RALYL: variants seen among roughly 807,000 people sequenced by gnomAD.
RALYL encodes the protein RALY RNA binding protein like, also known as RNA-binding Raly-like protein.
RALYL carries 29 observed loss-of-function variants against 35.1 expected under a neutral mutation model. That is an observed-to-expected ratio of 0.83 (90% CI 0.61 to 1.13). The LOEUF (loss-of-function observed/expected upper bound fraction) is 1.13, where lower values mean the gene tolerates loss of function less well. Ranked by LOEUF, RALYL falls within the 50% of genes most tolerant of loss-of-function variation. RALYL has a pLI of 0.00. For synonymous variants in RALYL, 120 were observed against 127.6 expected (o/e 0.94, Z 0.40); for missense variants, 359 against 360.4 (o/e 1.00, Z 0.03).
chr8:84,412,671 A>C (rs1350656934), intron 1 of RALYL, among the ~76,000 whole-genome samples: 1 of 151,942 alleles, frequency 6.6e-6, no homozygotes. Flanking sequence ...CTAATCTGCA[A>C]TCTCTCTCAA....
chr8:84,653,157 A>G (rs1226131275), intron 2 of RALYL, among the ~76,000 whole-genome samples: 1 of 152,084 alleles, frequency 6.6e-6, no homozygotes, highest in Admixed American at 6.6e-5. Context: ...CTTTCTTTAG[A>G]AAGAATTTGT....
At chr8:84,664,649 G>C (rs951139413) in intron 2 of RALYL, among the ~76,000 whole-genome samples, 2 of 151,818 alleles carry the variant, frequency 1.3e-5, no homozygotes, top group African/African-American at 4.8e-5. Flanking sequence ...GGTGTATCTG[G>C]ATGCTAGTGA....
chr8:84,821,855 G>GCTAA (rs1004024689), intron 4 of RALYL, among the ~76,000 whole-genome samples: 1 of 152,102 alleles, frequency 6.6e-6, no homozygotes, highest in African/African-American at 2.4e-5. Flanking sequence ...ATTTTGGCAT[G>GCTAA]CTAACTAAGG....
At chr8:84,185,217 G>T in intron 1 of RALYL, 1 of 635,024 alleles carries the variant, frequency 1.6e-6, no homozygotes, top group Non-Finnish European at 2.8e-6. Flanking sequence ...TTGCAGTAAT[G>T]ACCCTACACC....
At chr8:84,820,702 T>C (rs1369916689) in intron 4 of RALYL, among the ~76,000 whole-genome samples, 1 of 152,086 alleles carries the variant, frequency 6.6e-6, no homozygotes, top group Non-Finnish European at 1.5e-5. Context: ...CTCCCTCCCC[T>C]TTCCCCTTGC....
intron 5 of RALYL, among the ~76,000 whole-genome samples, chr8:84,851,362 G>A (rs755095223): frequency 5.3e-5 from 8 of 152,060 alleles, no homozygotes; most frequent in South Asian, 2.1e-4. Context: ...ATTACTTACC[G>A]TTTATATGTT....
intron 1 of RALYL, among the ~76,000 whole-genome samples, chr8:84,310,354 A>G (rs955953678): frequency 6.6e-6 from 1 of 151,176 alleles, no homozygotes; most frequent in Non-Finnish European, 1.5e-5. Flanking sequence ...GTTTTTTTAA[A>G]GAAAAAAAAA....
At chr8:84,710,690 T>C (rs907422034) in intron 2 of RALYL, among the ~76,000 whole-genome samples, 1 of 152,168 alleles carries the variant, frequency 6.6e-6, no homozygotes, top group Non-Finnish European at 1.5e-5. Flanking sequence ...ATCTCTAAGT[T>C]TCTTTCATAT....
intron 2 of RALYL, among the ~76,000 whole-genome samples, chr8:84,543,783 C>A (rs1166934312): frequency 1.3e-5 from 2 of 151,908 alleles, no homozygotes. Context: ...AATTTCCTGC[C>A]CCATGTTGGG....
intron 1 of RALYL, among the ~76,000 whole-genome samples, chr8:84,508,182 G>A (rs915568298): frequency 6.6e-6 from 1 of 151,982 alleles, no homozygotes; most frequent in Non-Finnish European, 1.5e-5. Context: ...AGCATGTGTT[G>A]TTCAAGTTCA....
chr8:84,900,516 A>C (rs7830369), intron 8 of RALYL, among the ~76,000 whole-genome samples: 6,254 of 152,120 alleles, frequency 0.041, 443 homozygotes, highest in African/African-American at 0.14. Context: ...GTCTCTATGA[A>C]AAATAGAAAA....
intron 1 of RALYL, among the ~76,000 whole-genome samples, chr8:84,365,269 A>G (rs1480887421): frequency 6.6e-6 from 1 of 152,168 alleles, no homozygotes; most frequent in Non-Finnish European, 1.5e-5. Context: ...CTTCTCTTAC[A>G]TATTGAAGAC....
intron 2 of RALYL, among the ~76,000 whole-genome samples, chr8:84,553,113 A>C (rs972904470): frequency 6.6e-6 from 1 of 152,130 alleles, no homozygotes; most frequent in African/African-American, 2.4e-5. Context: ...AACAAATCTT[A>C]ATCTTAAATA....
At chr8:84,849,958 A>AT (rs759388122) in intron 4 of RALYL, 22 bp from the exon 5 acceptor site, 18 of 1,393,562 alleles carry the variant, frequency 1.3e-5, no homozygotes, top group Middle Eastern at 3.6e-4. Context: ...ATGCCAACTA[A>AT]TTTTTTTGTT....
chr8:84,430,683 CA>C (rs1275182004), intron 1 of RALYL, among the ~76,000 whole-genome samples: 4 of 151,980 alleles, frequency 2.6e-5, no homozygotes, highest in African/African-American at 9.7e-5. Context: ...TTATGAATGA[CA>C]ATTTTGAATT....
chr8:84,841,970 G>A (rs1431401791), intron 4 of RALYL, among the ~76,000 whole-genome samples: 1 of 152,220 alleles, frequency 6.6e-6, no homozygotes, highest in African/African-American at 2.4e-5. Flanking sequence ...TCAAAGCAGT[G>A]TGTAGAGGGA....
intron 1 of RALYL, among the ~76,000 whole-genome samples, chr8:84,359,040 G>A (rs1315662607): frequency 9.2e-5 from 14 of 151,796 alleles, no homozygotes; most frequent in Non-Finnish European, 1.8e-4. Context: ...TATGAACCTG[G>A]TAATGACAAA....
chr8:84,655,483 C>T (rs1430471234), intron 2 of RALYL, among the ~76,000 whole-genome samples: 11 of 152,030 alleles, frequency 7.2e-5, no homozygotes, highest in Admixed American at 4.6e-4. Context: ...TGCACATCAC[C>T]ATGCGCAGCT....
chr8:84,549,690 C>A (rs1351418305), intron 2 of RALYL, among the ~76,000 whole-genome samples: 2 of 152,174 alleles, frequency 1.3e-5, no homozygotes, highest in East Asian at 3.9e-4. Context: ...GCCGGGGAGC[C>A]TGAGTCCTTA....
Sources: gnomAD v4.1 joint callset for allele counts (sites outside exome capture counted in the v4.1 genomes callset) on GRCh38, gnomAD v4.1.1 for gene constraint, MANE v1.5 for transcripts, NCBI Gene and HGNC (gene_info 2026-07-23, HGNC 2026-07-21) for gene names.